NAALADL2: variants seen among roughly 807,000 people sequenced by gnomAD.
The protein encoded by NAALADL2 is inactive N-acetylated-alpha-linked acidic dipeptidase-like protein 2.
NAALADL2 carries 76 observed loss-of-function variants against 87.2 expected under a neutral mutation model. The ratio of observed to expected loss-of-function variants is 0.87; its 90% CI spans 0.72 to 1.05. The LOEUF (loss-of-function observed/expected upper bound fraction) is 1.05. Ranked by LOEUF, NAALADL2 falls within the 50% of genes least tolerant of loss-of-function variation. NAALADL2 has a pLI of 0.00. For synonymous variants in NAALADL2, 354 were observed against 331.0 expected (o/e 1.07, Z -0.75); for missense variants, 1,089 against 945.8 (o/e 1.15, Z -1.99).
chr3:175,426,777 G>A (rs765306215), intron 5 of NAALADL2, among the ~76,000 whole-genome samples: 7 of 151,972 alleles, frequency 4.6e-5, no homozygotes, highest in Non-Finnish European at 8.8e-5. Flanking sequence ...GCTTTATCTC[G>A]TTTGCTATTT....
At chr3:175,787,566 C>T (rs1185477008) in intron 13 of NAALADL2, among the ~76,000 whole-genome samples, 11 of 152,276 alleles carry the variant, frequency 7.2e-5, no homozygotes, top group Middle Eastern at 3.4e-3. Context: ...CGCCCTGCTT[C>T]GGCTCGCGCA....
intron 1 of NAALADL2, among the ~76,000 whole-genome samples, chr3:174,911,470 T>C (rs1733696223): frequency 6.6e-6 from 1 of 152,092 alleles, no homozygotes; most frequent in Non-Finnish European, 1.5e-5. Context: ...ATGGAAGTGA[T>C]TGCTAGAAGA....
chr3:175,542,020 G>A (rs1712435114), intron 9 of NAALADL2, among the ~76,000 whole-genome samples: 1 of 151,998 alleles, frequency 6.6e-6, no homozygotes, highest in Admixed American at 6.6e-5. Context: ...CATGGACTAT[G>A]TGCAACTTTT....
At chr3:175,033,046 A>G (rs1752976935) in intron 1 of NAALADL2, among the ~76,000 whole-genome samples, 1 of 151,948 alleles carries the variant, frequency 6.6e-6, no homozygotes, top group Non-Finnish European at 1.5e-5. Flanking sequence ...AAAATTGTTC[A>G]ATATAATCAT....
At chr3:174,464,066 A>G (rs139706779) in intron 1 of NAALADL2, among the ~76,000 whole-genome samples, 2 of 152,268 alleles carry the variant, frequency 1.3e-5, no homozygotes, top group East Asian at 1.9e-4. Flanking sequence ...CATATTGGTC[A>G]GGAAAATAAG....
chr3:174,876,467 T>C (rs951032952), intron 1 of NAALADL2, among the ~76,000 whole-genome samples: 2 of 152,160 alleles, frequency 1.3e-5, no homozygotes, highest in African/African-American at 4.8e-5. Context: ...TCACAGTAAA[T>C]GTTTATAAAA....
At chr3:174,745,185 T>G (rs1211734250) in intron 3 of NAALADL2, among the ~76,000 whole-genome samples, 3 of 151,150 alleles carry the variant, frequency 2.0e-5, no homozygotes, top group Non-Finnish European at 4.4e-5. Context: ...AATAATAAAA[T>G]AGACCACAAG....
intron 3 of NAALADL2, among the ~76,000 whole-genome samples, chr3:174,810,854 C>T (rs536784167): frequency 6.6e-6 from 1 of 152,254 alleles, no homozygotes; most frequent in African/African-American, 2.4e-5. Context: ...CCATCACAGG[C>T]CTGGAGGCCT....
At chr3:175,507,624 A>G (rs974574035) in intron 9 of NAALADL2, among the ~76,000 whole-genome samples, 1 of 152,046 alleles carries the variant, frequency 6.6e-6, no homozygotes, top group Non-Finnish European at 1.5e-5. Context: ...GCGTTTCACC[A>G]TGTTGGCCAG....
chr3:174,833,723 A>C (rs61422971), intron 3 of NAALADL2, among the ~76,000 whole-genome samples: 2,099 of 152,216 alleles, frequency 0.014, 43 homozygotes, highest in African/African-American at 0.048. Flanking sequence ...AGCAGGATTT[A>C]TTCCCAAATG....
intron 11 of NAALADL2, among the ~76,000 whole-genome samples, chr3:175,634,003 A>G (rs113981697): frequency 2.0e-4 from 31 of 151,978 alleles, no homozygotes; most frequent in African/African-American, 7.5e-4. Context: ...TCAGAATAAG[A>G]AAATATTTGT....
intron 11 of NAALADL2, among the ~76,000 whole-genome samples, chr3:175,708,882 A>G (rs1244130345): frequency 6.6e-6 from 1 of 152,048 alleles, no homozygotes; most frequent in Non-Finnish European, 1.5e-5. Context: ...GAAGAAGTGC[A>G]GATATCACTG....
intron 2 of NAALADL2, among the ~76,000 whole-genome samples, chr3:174,720,558 T>G (rs1731618528): frequency 6.6e-6 from 1 of 152,144 alleles, no homozygotes. Context: ...TTGTAAAGAC[T>G]GAGACAAAAT....
intron 2 of NAALADL2, among the ~76,000 whole-genome samples, chr3:174,700,684 A>G (rs1729467194): frequency 6.6e-6 from 1 of 152,210 alleles, no homozygotes; most frequent in Non-Finnish European, 1.5e-5. Context: ...GTTACATTCC[A>G]GTGATGGAAG....
intron 5 of NAALADL2, among the ~76,000 whole-genome samples, chr3:175,329,191 C>T (rs748114730): frequency 1.3e-4 from 20 of 152,178 alleles, no homozygotes; most frequent in East Asian, 5.8e-4. Context: ...TTTAAAGCTT[C>T]GTATCTATGT....
chr3:174,786,858 TGTC>T (rs954852801), intron 3 of NAALADL2, among the ~76,000 whole-genome samples: 1 of 152,102 alleles, frequency 6.6e-6, no homozygotes, highest in Non-Finnish European at 1.5e-5. Context: ...AAAATTAAAT[TGTC>T]GTCTTCTCCT....
At chr3:175,795,691 A>G (rs1753384521) in intron 13 of NAALADL2, among the ~76,000 whole-genome samples, 1 of 151,192 alleles carries the variant, frequency 6.6e-6, no homozygotes, top group Admixed American at 6.6e-5. Flanking sequence ...TCAAAAAATA[A>G]AAAAATAAAA....
chr3:175,709,575 T>A (rs1740238024), intron 11 of NAALADL2, among the ~76,000 whole-genome samples: 2 of 152,244 alleles, frequency 1.3e-5, no homozygotes, highest in South Asian at 2.1e-4. Context: ...TAGGCTTATA[T>A]GAACCTAAAG....
intron 1 of NAALADL2, among the ~76,000 whole-genome samples, chr3:174,940,329 T>C (rs35392802): frequency 0.041 from 6,268 of 152,262 alleles, 434 homozygotes; most frequent in African/African-American, 0.14. Flanking sequence ...TGTACATATG[T>C]AGAACCAATC....
Sources: gnomAD v4.1 joint callset for allele counts (sites outside exome capture counted in the v4.1 genomes callset) on GRCh38, gnomAD v4.1.1 for gene constraint, MANE v1.5 for transcripts, NCBI Gene and HGNC (gene_info 2026-07-23, HGNC 2026-07-21) for gene names.